Variants in LARS1 observed in about 807,000 individuals in gnomAD.
LARS1 encodes the protein leucine--tRNA ligase, cytoplasmic.
A neutral mutation model predicts 162.8 loss-of-function variants in LARS1; 100 were observed. The observed-to-expected ratio is 0.61, with a 90% CI of 0.52 to 0.73. The LOEUF is 0.73. Among genes scored for constraint, LARS1 ranks in the 30% least tolerant of loss-of-function variants. The probability of loss-of-function intolerance (pLI) is 0.00; values close to 1 mark genes in which losing one functional copy is unlikely to be tolerated. For synonymous variants in LARS1, 457 were observed against 462.8 expected (o/e 0.99, Z 0.16); for missense variants, 1,258 against 1,408.9 (o/e 0.89, Z 1.71).
Position 146,144,499 on chromosome 5 carries a change from G to C in LARS1, c.1628C>G (p.Thr543Arg). 1.2e-6 allele frequency: 2 copies of C among 1,613,794 alleles called. No homozygotes were observed. Among genetic ancestry groups the C allele is most frequent in the Non-Finnish European group, 1.7e-6 (2 of 1,179,910 alleles). Reference sequence around the variant, plus strand: ...TTCCAGGTTCTTCAAGCACTGAGATGTCTGTTTCTTCCAATTCTCTTCTCC... The same window carrying C: ...TTCCAGGTTCTTCAAGCACTGAGATCTCTGTTTCTTCCAATTCTCTTCTCC... ...DYGEENWKKQ[T>R]SQCLKNLETF... The change falls in exon 17 of 32, where the codon ACA (threonine) becomes AGA (arginine). Residue 543 changes from threonine (T) to arginine (R), a missense_variant. Coordinates refer to ENST00000394434, the MANE Select transcript of LARS1 (RefSeq NM_020117.11).
intron 1 of LARS1, 83 bp from the exon 2 acceptor site, chr5:146,177,748 C>T: frequency 1.7e-6 from 1 of 578,498 alleles, no homozygotes; most frequent in Admixed American, 3.1e-5. Flanking sequence ...AACTGAGCTG[C>T]TCACTGATAA....
rs1753407838 is a variant in LARS1, at chr5:146,153,895, T to C, written c.1151A>G (p.Lys384Arg). The C allele has an allele frequency of 1.2e-6, 2 of 1,610,628 alleles. No homozygotes were observed. Among genetic ancestry groups the C allele is most frequent in the Non-Finnish European group, 1.7e-6 (2 of 1,177,328 alleles). Reference sequence around the variant, plus strand: ...CTAGAAATAAATAAACTCTTTACCTTTATCCTCCTTAATAGTTAGCATTGG... The same window carrying C: ...CTAGAAATAAATAAACTCTTTACCTCTATCCTCCTTAATAGTTAGCATTGG... ...VLPMLTIKEDKGTGVVTSVPS... is the reference protein window; with the variant it reads ...VLPMLTIKEDRGTGVVTSVPS... Residue 384 changes from lysine to arginine, a missense_variant and splice_region_variant, in exon 11 of 32, where the codon AAA (lysine) becomes AGA (arginine). Transcript: ENST00000394434.
At chr5:146,142,196 G>C (rs1016459389) in intron 20 of LARS1, among the ~76,000 whole-genome samples, 2 of 152,196 alleles carry the variant, frequency 1.3e-5, no homozygotes, top group Middle Eastern at 3.4e-3. Context: ...GCTGAGACAG[G>C]AGAATTGCTT....
intron 15 of LARS1, among the ~76,000 whole-genome samples, 179 bp from the exon 16 acceptor site, chr5:146,144,888 C>T (rs1752945696): frequency 6.6e-6 from 1 of 151,964 alleles, no homozygotes; most frequent in Non-Finnish European, 1.5e-5. Flanking sequence ...TATGTAACAC[C>T]TGCTTTTAAA....
intron 1 of LARS1, chr5:146,182,221 G>GT (rs747342635): frequency 2.6e-4 from 135 of 511,444 alleles, no homozygotes; most frequent in Middle Eastern, 5.5e-4. Context: ...GATTACAGCC[G>GT]TGGGCCACCG....
At chr5:146,172,235 G>A (rs1048621027) in intron 3 of LARS1, among the ~76,000 whole-genome samples, 1 of 151,992 alleles carries the variant, frequency 6.6e-6, no homozygotes, top group Non-Finnish European at 1.5e-5. Context: ...TTACTTAAAT[G>A]GGCCAGGCAC....
chr5:146,150,064 A>G (rs1440776805), intron 14 of LARS1, among the ~76,000 whole-genome samples: 1 of 152,168 alleles, frequency 6.6e-6, no homozygotes, highest in Non-Finnish European at 1.5e-5. Flanking sequence ...ATTCGGCTTC[A>G]TCTAATTAGG....
chr5:146,114,969 A>G (rs1346728124), intron 31 of LARS1, among the ~76,000 whole-genome samples: 1 of 149,228 alleles, frequency 6.7e-6, no homozygotes, highest in Non-Finnish European at 1.5e-5. Context: ...GCTTGAACCC[A>G]GGAGACAGAG....
chr5:146,117,900 C>A (rs918712233), intron 31 of LARS1, among the ~76,000 whole-genome samples: 2 of 152,130 alleles, frequency 1.3e-5, no homozygotes, highest in Admixed American at 1.3e-4. Context: ...GGAAGTAGAA[C>A]AGTGTGGTGC....
At chr5:146,143,134 C>A (rs1259246088) in intron 19 of LARS1, 50 bp from the exon 20 acceptor site, 5 of 944,050 alleles carry the variant, frequency 5.3e-6, no homozygotes, top group South Asian at 5.5e-5. Flanking sequence ...TATGTAATTT[C>A]TTTGGAAGAA....
chr5:146,182,586 C>T lies in LARS1; in HGVS notation c.-93G>A, dbSNP rs1443873684. ...CCTTTCCCCTCCCTCTCGGGGATGC[C>T]AGGCCTCCCACGAAACTAAAGCACA... On this transcript the variant is annotated 5_prime_UTR_variant, in exon 1 of 32. Coordinates refer to ENST00000394434, the MANE Select transcript of LARS1 (RefSeq NM_020117.11). The T allele has an allele frequency of 6.5e-7, 1 of 1,530,672 alleles. No individual in the cohort carries two copies. Among genetic ancestry groups the T allele is most frequent in the African/African-American group, 1.4e-5 (1 of 73,234 alleles). The allele number at this position is 1,530,672 out of a possible 1,614,324, so 94.8% of individuals were successfully genotyped here.
At position 146,136,726 on chromosome 5, in the gene LARS1, C is replaced by A. The variant is rs1020602589; in HGVS notation, c.2149-1062G>T. ...CTAACTCCTGACCTCGTGATCTGCC[C>A]GCCCTGGCATCCCAAAGTGCTGCAA... On this transcript the variant is annotated intron_variant, in intron 21 of 31. Transcript: ENST00000394434. Among the ~76,000 whole-genome samples, 6 of 152,022 alleles carry A rather than the reference C, an allele frequency of 3.9e-5. No individual in the cohort carries two copies. In the South Asian group the frequency reaches 1.2e-3, roughly 31 times the overall value.
At chr5:146,172,100 A>C (rs1200923965) in intron 3 of LARS1, 110 bp from the exon 4 acceptor site, 2 of 942,634 alleles carry the variant, frequency 2.1e-6, no homozygotes, top group African/African-American at 3.3e-5. Flanking sequence ...CTCCTTTGGA[A>C]TGCCAGTTAG....
chr5:146,165,665 C>T (rs1406371778), intron 5 of LARS1, among the ~76,000 whole-genome samples: 1 of 11,718 alleles, frequency 8.5e-5, no homozygotes, highest in Non-Finnish European at 1.6e-4. Context: ...GATATAACCA[C>T]ACTCAAGGGG....
intron 31 of LARS1, among the ~76,000 whole-genome samples, chr5:146,115,581 CAAAAAAAAAAA>C (rs58644900): frequency 1.0e-3 from 21 of 20,614 alleles, no homozygotes; most frequent in Non-Finnish European, 2.1e-3. Flanking sequence ...AGCGCCTGAC[CAAAAAAAAAAA>C]AAAAAAAAAA....
intron 1 of LARS1, among the ~76,000 whole-genome samples, chr5:146,178,601 C>G (rs542333824): frequency 4.7e-5 from 7 of 148,544 alleles, no homozygotes; most frequent in Non-Finnish European, 8.9e-5. Context: ...GCAACAAGAG[C>G]GAAACTCCAT....
intron 12 of LARS1, 86 bp from the exon 13 acceptor site, chr5:146,153,313 A>AG: frequency 1.0e-6 from 1 of 1,003,408 alleles, no homozygotes; most frequent in Non-Finnish European, 1.5e-6. Flanking sequence ...AGTTTCTTAA[A>AG]AGTTTCTTTA....
Position 146,182,307 on chromosome 5 carries a change from A to G in LARS1, c.6+181T>C, listed in dbSNP as rs1754906353. On this transcript the variant is annotated intron_variant, in intron 1 of 31. Coordinates refer to ENST00000394434, the MANE Select transcript of LARS1 (RefSeq NM_020117.11). ...GATATCCAAGTACTCCGTAAAGTTA[A>G]CAGACATCAGTTCGTGGTTCATAAA... 3 of 734,134 alleles carry G rather than the reference A, an allele frequency of 4.1e-6. No homozygotes were observed. The East Asian group carries it at 7.4e-5, about 18-fold the overall frequency. 45.5% of individuals were successfully genotyped at this position (734,134 alleles called of 1,614,324 possible).
At chr5:146,114,340 C>T (rs1192554596) in intron 31 of LARS1, 29 bp from the exon 32 acceptor site, 1 of 1,560,962 alleles carries the variant, frequency 6.4e-7, no homozygotes, top group African/African-American at 1.4e-5. Context: ...TCAATATAAG[C>T]ATTTAATTAC....
Sources: gnomAD v4.1 joint callset for allele counts (sites outside exome capture counted in the v4.1 genomes callset) on GRCh38, gnomAD v4.1.1 for gene constraint, MANE v1.5 for transcripts, NCBI Gene and HGNC (gene_info 2026-07-23, HGNC 2026-07-21) for gene names.